ACAP1: variants seen among roughly 807,000 people sequenced by gnomAD.
The protein encoded by ACAP1 is arf-GAP with coiled-coil, ANK repeat and PH domain-containing protein 1.
In ACAP1, 45 loss-of-function variants were observed where a neutral mutation model predicts 98.8. That is an observed-to-expected ratio of 0.46 (90% CI 0.36 to 0.58). The LOEUF is 0.58. Among genes scored for constraint, ACAP1 ranks in the 20% least tolerant of loss-of-function variants. The probability of loss-of-function intolerance (pLI) is 0.00; values close to 1 mark genes in which losing one functional copy is unlikely to be tolerated. For missense variants in ACAP1, 735 were observed against 971.4 expected, an observed-to-expected ratio of 0.76 and a Z score of 3.24; for synonymous variants, 362 against 375.3, an observed-to-expected ratio of 0.96 and a Z score of 0.41.
Position 7,349,121 on chromosome 17 carries a change from A to G in ACAP1, c.1805A>G (p.Asn602Ser), listed in dbSNP as rs2073377513. Residue 602 changes from asparagine (N) to serine (S), a missense_variant, in exon 18 of 22, where the codon AAT becomes AGT. By Grantham distance (46) the Asn-to-Ser change is conservative (BLOSUM62 1). Around this residue, in one of 5 missense-constraint regions of ACAP1, gnomAD observed 142 missense variants for 224.1 expected, o/e 0.63. Coordinates refer to ENST00000158762, the MANE Select transcript of ACAP1 (RefSeq NM_014716.4). ...CATGGAGCTGATGTCAACTGGGTCA[A>G]TGGGGGCCAAGATAATGCCACACCG... ...LAHGADVNWV[N>S]GGQDNATPLI... 14 of 1,613,966 alleles carry G rather than the reference A, an allele frequency of 8.7e-6. No individual in the cohort carries two copies. Among genetic ancestry groups the G allele is most frequent in the East Asian group, 4.5e-5 (2 of 44,866 alleles).
In ACAP1 at chr17:7,346,255, C is replaced by A. The variant is rs2073344770; in HGVS notation, c.866C>A (p.Thr289Asn). ...TCCTTCTCTTACAGACGCTGGTTCA[C>A]CATTCAGAGCAACCAACTGGTTTAC... is the stretch of plus-strand genomic sequence containing the variant. ...AFKTWSRRWF[T>N]IQSNQLVYQK... is the part of the protein sequence containing the mutation. Residue 289 changes from threonine to asparagine, a missense_variant, in exon 11 of 22, where the codon ACC becomes AAC. Thr to Asn is a moderately conservative substitution (Grantham distance 65). Coordinates refer to ENST00000158762, the MANE Select transcript of ACAP1 (RefSeq NM_014716.4). 1 of 1,614,082 alleles carries A rather than the reference C, an allele frequency of 6.2e-7. No individual in the cohort carries two copies. The highest frequency in any genetic ancestry group is 1.3e-5 in the African/African-American group (1 of 74,934).
At chr17:7,340,409 T>C (rs1263934702) in intron 2 of ACAP1, among the ~76,000 whole-genome samples, 4 of 152,224 alleles carry the variant, frequency 2.6e-5, no homozygotes, top group South Asian at 2.1e-4. Flanking sequence ...TCCAGTGTTA[T>C]GAAAGTTTCT....
chr17:7,339,064 G>C (rs931640427), intron 2 of ACAP1, among the ~76,000 whole-genome samples: 4 of 151,586 alleles, frequency 2.6e-5, no homozygotes, highest in Non-Finnish European at 5.9e-5. Flanking sequence ...GCCAAGGTGG[G>C]CGGATCACGA....
rs757441873 is a variant in ACAP1, at chr17:7,342,073, C to T, written c.231+6C>T. ...CACCAGAGCCCATGATGGCGGTATG[C>T]GGAGGGTCTGCATCTGGGAGGGAAG... On this transcript the variant is annotated splice_donor_region_variant and intron_variant, in intron 3 of 21. Coordinates refer to ENST00000158762, the MANE Select transcript of ACAP1 (RefSeq NM_014716.4). The T allele has an allele frequency of 5.0e-6, 8 of 1,613,328 alleles. No individual in the cohort carries two copies. Among genetic ancestry groups the T allele is most frequent in the African/African-American group, 2.7e-5 (2 of 74,856 alleles).
At position 7,346,236 on chromosome 17, in the gene ACAP1, T is replaced by C; in HGVS notation, c.855-8T>C. ...GCCTATGTCTGTAATGATTTCCTTC[T>C]CTTACAGACGCTGGTTCACCATTCA... On this transcript the variant is annotated splice_region_variant and splice_polypyrimidine_tract_variant and intron_variant, in intron 10 of 21. Transcript: ENST00000158762. 1.9e-6 allele frequency: 3 copies of C among 1,613,870 alleles called. No homozygotes were observed. The highest frequency in any genetic ancestry group is 2.5e-6 in the Non-Finnish European group (3 of 1,179,730).
chr17:7,351,234 C>T (rs1036569503), intron 21 of ACAP1, 61 bp from the exon 22 acceptor site: 2 of 1,428,174 alleles, frequency 1.4e-6, no homozygotes, highest in Non-Finnish European at 1.9e-6. Flanking sequence ...GCCCCAACCG[C>T]CGGATCCTGC....
At chr17:7,341,806 G>C in intron 2 of ACAP1, 142 bp from the exon 3 acceptor site, 2 of 1,188,212 alleles carry the variant, frequency 1.7e-6, no homozygotes, top group Non-Finnish European at 2.4e-6. Flanking sequence ...GGGAGAGCTG[G>C]ATGAGCCTGG....
rs777476726 is a variant in ACAP1 at position 7,343,685 on chromosome 17, C to T, written c.529-21C>T. On this transcript the variant is annotated intron_variant, in intron 6 of 21. Transcript: ENST00000158762. The surrounding 1 kb of genome is among the most constrained non-coding windows in gnomAD (Gnocchi z 4.9). Reference sequence around the variant, plus strand: ...TTCAAGACTGATCTGGGGTTTTTTACGTCCTCTTTTACGTCCTCAGATCAA... The same window carrying T: ...TTCAAGACTGATCTGGGGTTTTTTATGTCCTCTTTTACGTCCTCAGATCAA... 10 of 1,611,430 alleles carry T rather than the reference C, an allele frequency of 6.2e-6. No individual in the cohort carries two copies. Among genetic ancestry groups the T allele is most frequent in the African/African-American group, 4.0e-5 (3 of 74,856 alleles).
chr17:7,341,519 G>A (rs2073278161), intron 2 of ACAP1, among the ~76,000 whole-genome samples: 1 of 152,206 alleles, frequency 6.6e-6, no homozygotes. Flanking sequence ...TGGGATTACA[G>A]GTGTGAGCCA....
Position 7,344,248 on chromosome 17 carries a change from C to A in ACAP1, c.744+125C>A. ...GCATCGTAGTGAAACTCCATCTCTACAGAAAATTTTAAAATTAGCTGGTGT... is the reference window on the plus strand; with the variant it reads ...GCATCGTAGTGAAACTCCATCTCTAAAGAAAATTTTAAAATTAGCTGGTGT... On this transcript the variant is annotated intron_variant, in intron 9 of 21. Coordinates refer to ENST00000158762, the MANE Select transcript of ACAP1 (RefSeq NM_014716.4). The surrounding 1 kb of genome is among the most constrained non-coding windows in gnomAD (Gnocchi z 4.9). The A allele has an allele frequency of 8.7e-7, 1 of 1,150,014 alleles. No homozygotes were observed. 71.2% of individuals were successfully genotyped at this position (1,150,014 alleles called of 1,614,324 possible).
At chr17:7,340,819 T>C (rs935023651) in intron 2 of ACAP1, among the ~76,000 whole-genome samples, 1 of 152,136 alleles carries the variant, frequency 6.6e-6, no homozygotes, top group Non-Finnish European at 1.5e-5. Context: ...GCACTCCAGC[T>C]TGGGCAACGG....
rs369043495 is a variant in ACAP1, at chr17:7,336,800, T to G, written c.53+13T>G. On this transcript the variant is annotated intron_variant, in intron 1 of 21. Transcript: ENST00000158762. ...CACCCCGTTTCCGGTAAGTGTGAACTGGTCTGGGGGGCTAAGGAGGGGAAA... is the reference window on the plus strand; with the variant it reads ...CACCCCGTTTCCGGTAAGTGTGAACGGGTCTGGGGGGCTAAGGAGGGGAAA... The G allele has an allele frequency of 5.0e-6, 8 of 1,613,732 alleles. No individual in the cohort carries two copies. Among genetic ancestry groups the G allele is most frequent in the Non-Finnish European group, 6.8e-6 (8 of 1,179,690 alleles).
intron 10 of ACAP1, among the ~76,000 whole-genome samples, chr17:7,345,142 G>C (rs2073333925): frequency 6.6e-6 from 1 of 151,756 alleles, no homozygotes. Context: ...ATTTTTGTAG[G>C]GATTTGGGGT....
At chr17:7,346,567 T>A in intron 12 of ACAP1, 76 bp downstream of exon 12, 1 of 1,339,508 alleles carries the variant, frequency 7.5e-7, no homozygotes, top group African/African-American at 1.5e-5. Context: ...CCCACCACAA[T>A]GGAGGCCCCC....
chr17:7,348,094 C>T (rs1235533558), intron 15 of ACAP1, 33 bp from the exon 16 acceptor site: 1 of 1,613,058 alleles, frequency 6.2e-7, no homozygotes. Context: ...CCCCCACCTT[C>T]CCTGTCTCTG....
intron 17 of ACAP1, 166 bp from the exon 18 acceptor site, chr17:7,348,829 G>A (rs2292067): frequency 1.5e-5 from 10 of 649,516 alleles, no homozygotes; most frequent in East Asian, 2.7e-5. Context: ...ACATGCATAC[G>A]CATACTTACA....
Position 7,336,571 on chromosome 17 carries a change from C to A in ACAP1, c.-164C>A. On this transcript the variant is annotated 5_prime_UTR_variant, in exon 1 of 22. Coordinates refer to ENST00000158762, the MANE Select transcript of ACAP1 (RefSeq NM_014716.4). ...TGGGGTGAGAGCTCCTCCTAGGACA[C>A]CCCTTTCCCCTTGGGGAAAGAATTG... The A allele has an allele frequency of 5.7e-6, 4 of 700,438 alleles. No homozygotes were observed. The highest frequency in any genetic ancestry group is 1.0e-5 in the Non-Finnish European group (4 of 400,096). 43.4% of individuals were successfully genotyped at this position (700,438 alleles called of 1,614,324 possible).
chr17:7,348,105 C>T, intron 15 of ACAP1, 22 bp from the exon 16 acceptor site: 4 of 1,613,314 alleles, frequency 2.5e-6, no homozygotes, highest in Middle Eastern at 3.3e-4. Flanking sequence ...CCTGTCTCTG[C>T]CTCTGCCTGG....
At chr17:7,341,567 AG>A (rs1327041446) in intron 2 of ACAP1, among the ~76,000 whole-genome samples, 1 of 152,208 alleles carries the variant, frequency 6.6e-6, no homozygotes, top group African/African-American at 2.4e-5. Flanking sequence ...AATAGCAACC[AG>A]GTAGAGCATC....
Sources: gnomAD v4.1 joint callset for allele counts (sites outside exome capture counted in the v4.1 genomes callset) on GRCh38, gnomAD v4.1.1 for gene constraint, gnomAD v4.1.1 regional missense constraint, Gnocchi (gnomAD v3.1) non-coding constraint, MANE v1.5 for transcripts, NCBI Gene and HGNC (gene_info 2026-07-23, HGNC 2026-07-21) for gene names.